CNBD1: variants seen among roughly 807,000 people sequenced by gnomAD.
CNBD1 encodes the protein cyclic nucleotide binding domain containing 1.
In CNBD1, 71 loss-of-function variants were observed where a neutral mutation model predicts 54.4. The ratio of observed to expected loss-of-function variants is 1.30; its 90% CI spans 1.08 to 1.59. The LOEUF (loss-of-function observed/expected upper bound fraction) is 1.59. CNBD1 is among the 40% of genes most tolerant of loss of function. CNBD1 has a pLI of 0.00. For synonymous variants in CNBD1, 182 were observed against 170.7 expected, an observed-to-expected ratio of 1.07 and a Z score of -0.51; for missense variants, 659 against 518.0, an observed-to-expected ratio of 1.27 and a Z score of -2.64.
intron 8 of CNBD1, among the ~76,000 whole-genome samples, chr8:87,342,878 G>T (rs1377666315): frequency 2.6e-5 from 4 of 152,132 alleles, no homozygotes; most frequent in Non-Finnish European, 5.9e-5. Context: ...CATCTTAACA[G>T]TAAACAGGGT....
intron 8 of CNBD1, among the ~76,000 whole-genome samples, chr8:87,327,884 T>A (rs2130906906): frequency 6.6e-6 from 1 of 152,344 alleles, no homozygotes; most frequent in Non-Finnish European, 1.5e-5. Flanking sequence ...TGTTACTATC[T>A]TTAATCCATT....
chr8:87,213,972 A>G (rs1233189113), intron 5 of CNBD1, among the ~76,000 whole-genome samples: 1 of 152,184 alleles, frequency 6.6e-6, no homozygotes, highest in Non-Finnish European at 1.5e-5. Context: ...GGCCCCATGC[A>G]AGTCCAAAAT....
intron 4 of CNBD1, among the ~76,000 whole-genome samples, chr8:86,956,471 T>C (rs931394358): frequency 3.3e-5 from 5 of 152,222 alleles, no homozygotes; most frequent in Non-Finnish European, 7.3e-5. Context: ...GAGCATGGAA[T>C]GTTCTTCTAT....
At chr8:86,885,818 T>C (rs1808673535) in intron 1 of CNBD1, among the ~76,000 whole-genome samples, 1 of 152,182 alleles carries the variant, frequency 6.6e-6, no homozygotes, top group Admixed American at 6.5e-5. Flanking sequence ...GCCCATTCTA[T>C]TTTTGAGTTT....
intron 4 of CNBD1, among the ~76,000 whole-genome samples, chr8:87,089,288 T>C (rs1356132128): frequency 6.6e-6 from 1 of 152,126 alleles, no homozygotes; most frequent in Admixed American, 6.5e-5. Flanking sequence ...CTCATAGTCA[T>C]ATAATCTAAA....
chr8:87,313,562 A>C (rs986191527), intron 8 of CNBD1, among the ~76,000 whole-genome samples: 9 of 151,990 alleles, frequency 5.9e-5, no homozygotes, highest in African/African-American at 2.2e-4. Flanking sequence ...GAACCATAGA[A>C]TATCATTTAG....
At chr8:87,412,002 G>A (rs537601423) in intron 2 of CNBD1, among the ~76,000 whole-genome samples, 3 of 151,774 alleles carry the variant, frequency 2.0e-5, no homozygotes, top group Non-Finnish European at 2.9e-5. Flanking sequence ...ATTTTCTAGG[G>A]ATTACCTTGA....
At chr8:86,883,565 TG>T (rs763894528) in intron 1 of CNBD1, among the ~76,000 whole-genome samples, 31 of 152,044 alleles carry the variant, frequency 2.0e-4, no homozygotes, top group Non-Finnish European at 3.1e-4. Context: ...AGTCTAATAA[TG>T]GGAAAGCAAG....
At chr8:87,011,566 A>G (rs1329430533) in intron 4 of CNBD1, among the ~76,000 whole-genome samples, 1 of 152,164 alleles carries the variant, frequency 6.6e-6, no homozygotes, top group African/African-American at 2.4e-5. Context: ...AAGCAGGAAC[A>G]TAAGTACTTA....
intron 10 of CNBD1, among the ~76,000 whole-genome samples, chr8:87,370,687 C>T (rs954386906): frequency 1.3e-5 from 2 of 150,994 alleles, no homozygotes; most frequent in East Asian, 3.9e-4. Context: ...TGCCTGTTCA[C>T]TCTGATGGTA....
At chr8:86,906,664 G>T (rs966683781) in intron 3 of CNBD1, among the ~76,000 whole-genome samples, 3 of 152,128 alleles carry the variant, frequency 2.0e-5, no homozygotes, top group Admixed American at 2.0e-4. Flanking sequence ...TAGAATAAGG[G>T]ACCAAGAGCT....
intron 2 of CNBD1, among the ~76,000 whole-genome samples, chr8:87,421,530 G>T (rs1374280915): frequency 6.7e-6 from 1 of 149,442 alleles, no homozygotes; most frequent in Non-Finnish European, 1.5e-5. Flanking sequence ...GCAGTGTTTG[G>T]TTTTTTGTTC....
chr8:86,912,319 G>A (rs1366688051), intron 3 of CNBD1, among the ~76,000 whole-genome samples: 1 of 152,144 alleles, frequency 6.6e-6, no homozygotes, highest in African/African-American at 2.4e-5. Flanking sequence ...AAATAATGTG[G>A]CAGAAGCTAA....
intron 4 of CNBD1, among the ~76,000 whole-genome samples, chr8:87,048,263 G>A (rs1210652745): frequency 7.1e-6 from 1 of 140,278 alleles, no homozygotes; most frequent in Non-Finnish European, 1.5e-5. Flanking sequence ...AAGTGGGCAA[G>A]GAGGTTATAT....
chr8:87,328,381 TTTAA>T (rs1387607097), intron 8 of CNBD1, among the ~76,000 whole-genome samples: 27 of 152,090 alleles, frequency 1.8e-4, no homozygotes, highest in Non-Finnish European at 2.6e-4. Context: ...TATTTAATAC[TTTAA>T]TTATTGTGTA....
intron 4 of CNBD1, among the ~76,000 whole-genome samples, chr8:87,161,811 T>C (rs1485306952): frequency 6.6e-6 from 1 of 152,150 alleles, no homozygotes; most frequent in African/African-American, 2.4e-5. Flanking sequence ...TAATGTCATA[T>C]TGTTAAAACA....
intron 10 of CNBD1, among the ~76,000 whole-genome samples, chr8:87,374,253 G>A (rs1364350737): frequency 6.6e-6 from 1 of 151,768 alleles, no homozygotes; most frequent in Non-Finnish European, 1.5e-5. Context: ...CTGTGCAATA[G>A]TGTTTTTCTT....
intron 4 of CNBD1, among the ~76,000 whole-genome samples, chr8:87,059,945 A>C (rs1376745624): frequency 1.3e-5 from 2 of 152,192 alleles, no homozygotes; most frequent in African/African-American, 2.4e-5. Flanking sequence ...AACAAAGCTG[A>C]AAGCTGCTAA....
intron 4 of CNBD1, among the ~76,000 whole-genome samples, chr8:86,964,176 G>T (rs1340382208): frequency 9.0e-3 from 2 of 222 alleles, no homozygotes; most frequent in East Asian, 0.5. Flanking sequence ...AGATTTCTGA[G>T]GAAGGCAGTG....
Sources: allele counts gnomAD v4.1 joint callset (sites outside exome capture counted in the v4.1 genomes callset), GRCh38; gene constraint gnomAD v4.1.1; transcripts MANE v1.5; gene names NCBI Gene and HGNC (gene_info 2026-07-23, HGNC 2026-07-21).